NFX1: variants seen among roughly 807,000 people sequenced by gnomAD.
NFX1 encodes the protein transcriptional repressor NF-X1.
In NFX1, 69 loss-of-function variants were observed where a neutral mutation model predicts 137.2. That is an observed-to-expected ratio of 0.50 (90% CI 0.41 to 0.61). NFX1 has a LOEUF of 0.61. NFX1 is among the 20% of genes least tolerant of loss of function. NFX1 has a pLI of 0.00. For synonymous variants in NFX1, 495 were observed against 474.1 expected (o/e 1.04, Z -0.57); for missense variants, 1,167 against 1,391.0 (o/e 0.84, Z 2.56).
chr9:33,319,965 CT>C (rs796293415), intron 9 of NFX1, among the ~76,000 whole-genome samples: 206 of 140,118 alleles, frequency 1.5e-3, no homozygotes, highest in Middle Eastern at 3.6e-3. Flanking sequence ...CTTTTCTTTT[CT>C]TTTTTTTTTT....
Position 33,342,753 on chromosome 9 carries a change from A to G in NFX1, c.2123A>G (p.Glu708Gly), listed in dbSNP as rs754807658. ...ATAAATCTCTTTTCCCAGGATAAGG[A>G]GCACAAGTGTCCTTTGATTTGTGGG... is the stretch of plus-strand genomic sequence containing the variant. ...KCNEICCVDK[E>G]HKCPLICGRK... is the part of the protein sequence containing the mutation. The change falls in exon 13 of 24, where the codon GAG becomes GGG. Residue 708 changes from glutamate to glycine, a missense_variant. Physicochemically the swap from Glu to Gly is moderately conservative, Grantham distance 98. Transcript: ENST00000379540. The G allele has an allele frequency of 5.0e-6, 8 of 1,611,160 alleles. No homozygotes were observed. The highest frequency in any genetic ancestry group is 6.8e-6 in the Non-Finnish European group (8 of 1,178,434).
intron 9 of NFX1, among the ~76,000 whole-genome samples, chr9:33,322,988 C>G (rs1316718975): frequency 6.6e-6 from 1 of 152,196 alleles, no homozygotes; most frequent in Non-Finnish European, 1.5e-5. Context: ...TTAATTGGAT[C>G]AGACTGCTGA....
chr9:33,364,789 A>G lies in NFX1; in HGVS notation c.3039+15A>G. On this transcript the variant is annotated intron_variant, in intron 21 of 23. Coordinates refer to ENST00000379540, the MANE Select transcript of NFX1 (RefSeq NM_002504.6). ...CCGTGAATAAGGTTGAAGTCGAAAC[A>G]TCCCACTGGACATTTCTCTAAGGCC... 1 of 1,613,640 alleles carries G rather than the reference A, an allele frequency of 6.2e-7. No homozygotes were observed.
At chr9:33,348,406 G>A (rs901865995) in intron 15 of NFX1, 1 of 151,794 alleles carries the variant, frequency 6.6e-6, no homozygotes, top group African/African-American at 2.4e-5. Context: ...ACACTCCTCG[G>A]GTGATGGGTG....
Position 33,352,647 on chromosome 9 carries a change from T to A in NFX1, c.2657T>A (p.Val886Glu), listed in dbSNP as rs1823678352. The A allele has an allele frequency of 6.2e-7, 1 of 1,613,988 alleles. No individual in the cohort carries two copies. Among genetic ancestry groups the A allele is most frequent in the Non-Finnish European group, 8.5e-7 (1 of 1,179,938 alleles). ...CGTTCCATGTTCATCTGACTTCAGG[T>A]AGAGCTACAGTGTGAATGTGGACGA... The part of the protein sequence containing the change: ...PCPVTACKAK[V>E]ELQCECGRRK... The change falls in exon 17 of 24, where the codon GTA becomes GAA. Residue 886 changes from valine (V) to glutamate (E), a missense_variant and splice_region_variant. Val to Glu is a moderately radical substitution (Grantham distance 121, BLOSUM62 -2). This residue lies in a region of NFX1 where 312 missense variants were observed against 312.8 expected (regional missense o/e 1.00). Transcript: ENST00000379540.
At chr9:33,332,372 G>T in intron 10 of NFX1, 100 bp from the exon 11 acceptor site, 1 of 1,121,522 alleles carries the variant, frequency 8.9e-7, no homozygotes, top group East Asian at 2.5e-5. Flanking sequence ...AGAGAAGTAT[G>T]GGATATTTGG....
intron 5 of NFX1, among the ~76,000 whole-genome samples, chr9:33,310,069 A>G (rs1311337846): frequency 6.6e-6 from 1 of 152,264 alleles, no homozygotes; most frequent in East Asian, 1.9e-4. Flanking sequence ...ATTGTCTATC[A>G]AAATGAGTCA....
intron 18 of NFX1, 67 bp downstream of exon 18, chr9:33,354,254 AT>A (rs1305589890): frequency 7.1e-6 from 9 of 1,263,952 alleles, no homozygotes; most frequent in Non-Finnish European, 1.0e-5. Context: ...GGCAGAGATT[AT>A]TCATTTATCT....
chr9:33,326,296 C>T lies in NFX1; in HGVS notation c.1907-2285C>T, dbSNP rs144730837. ...GGTGTGGTGGCATATGCCTGTGATC[C>T]CAGCTACTCAGGAGGCTGAGGCACA... On this transcript the variant is annotated intron_variant, in intron 9 of 23. Coordinates refer to ENST00000379540, the MANE Select transcript of NFX1 (RefSeq NM_002504.6). 5.9e-4 allele frequency among the ~76,000 whole-genome samples: 90 copies of T among 151,936 alleles called. 1 individual carries two copies. Among genetic ancestry groups the T allele is most frequent in the African/African-American group, 2.1e-3 (88 of 41,414 alleles).
At chr9:33,338,478 GTT>G in intron 11 of NFX1, 30 bp from the exon 12 acceptor site, 1 of 1,402,142 alleles carries the variant, frequency 7.1e-7, no homozygotes, top group Non-Finnish European at 9.8e-7. Context: ...CCTTTGTCTG[GTT>G]TTTTTTTTCT....
intron 15 of NFX1, 43 bp downstream of exon 15, chr9:33,347,160 T>C: frequency 1.4e-6 from 2 of 1,427,072 alleles, no homozygotes; most frequent in Non-Finnish European, 9.8e-7. Context: ...AGGCAGAGGT[T>C]CATGATTTTA....
chr9:33,363,098 T>C (rs1354637563), intron 19 of NFX1, among the ~76,000 whole-genome samples: 6 of 152,022 alleles, frequency 3.9e-5, no homozygotes, highest in Admixed American at 6.6e-5. Context: ...TTCTGTGTAT[T>C]CTCACCACAG....
intron 5 of NFX1, 119 bp from the exon 6 acceptor site, chr9:33,310,987 A>G: frequency 1.2e-6 from 1 of 819,034 alleles, no homozygotes; most frequent in Non-Finnish European, 2.0e-6. Flanking sequence ...AAACAAATAC[A>G]AAGACATGTC....
At chr9:33,311,293 G>T in intron 6 of NFX1, 116 bp downstream of exon 6, 6 of 926,276 alleles carry the variant, frequency 6.5e-6, no homozygotes, top group East Asian at 2.6e-5. Flanking sequence ...GGCATGAATA[G>T]TACTTTTTTT....
chr9:33,331,428 G>T (rs1822802380), intron 10 of NFX1, among the ~76,000 whole-genome samples: 1 of 152,174 alleles, frequency 6.6e-6, no homozygotes, highest in African/African-American at 2.4e-5. Context: ...TTCATGTGCA[G>T]GAATTTATGG....
At chr9:33,369,128 C>T (rs868638398) in intron 23 of NFX1, among the ~76,000 whole-genome samples, 4 of 151,954 alleles carry the variant, frequency 2.6e-5, no homozygotes, top group East Asian at 1.9e-4. Flanking sequence ...TGCAGTGGCG[C>T]GATCTCAGCT....
chr9:33,353,263 A>G (rs888479939), intron 17 of NFX1, among the ~76,000 whole-genome samples: 14 of 152,122 alleles, frequency 9.2e-5, no homozygotes, highest in African/African-American at 2.9e-4. Flanking sequence ...TTCACATCCT[A>G]CCATTTGTCA....
At chr9:33,313,575 T>A in intron 6 of NFX1, 79 bp from the exon 7 acceptor site, 1 of 1,432,768 alleles carries the variant, frequency 7.0e-7, no homozygotes, top group Non-Finnish European at 9.6e-7. Context: ...GAGGGGAGAG[T>A]TAGGGGCCGC....
intron 10 of NFX1, among the ~76,000 whole-genome samples, chr9:33,331,506 G>A (rs1822804895): frequency 6.6e-6 from 1 of 152,150 alleles, no homozygotes; most frequent in South Asian, 2.1e-4. Context: ...ATAATCCAGT[G>A]TTCACTGATG....
Sources: gnomAD v4.1 joint callset for allele counts (sites outside exome capture counted in the v4.1 genomes callset) on GRCh38, gnomAD v4.1.1 for gene constraint, gnomAD v4.1.1 regional missense constraint, MANE v1.5 for transcripts, NCBI Gene and HGNC (gene_info 2026-07-23, HGNC 2026-07-21) for gene names.